ZFHX3: variants seen among roughly 807,000 people sequenced by gnomAD.
The protein encoded by ZFHX3 is zinc finger homeobox 3.
A neutral mutation model predicts 279.1 loss-of-function variants in ZFHX3; 42 were observed. The ratio of observed to expected loss-of-function variants is 0.15; its 90% CI spans 0.12 to 0.19. The LOEUF (loss-of-function observed/expected upper bound fraction) is 0.19, where lower values mean the gene tolerates loss of function less well. Ranked by LOEUF, ZFHX3 falls within the 10% of genes least tolerant of loss-of-function variation. The probability of loss-of-function intolerance (pLI) is 1.00; values close to 1 mark genes in which losing one functional copy is unlikely to be tolerated. For missense variants in ZFHX3, 4,981 were observed against 4,754.0 expected (o/e 1.05, Z -1.40); for synonymous variants, 2,293 against 1,957.8 (o/e 1.17, Z -4.52).
At chr16:73,843,405 T>A (rs1472030303) in intron 1 of ZFHX3, among the ~76,000 whole-genome samples, 1 of 152,224 alleles carries the variant, frequency 6.6e-6, no homozygotes, top group African/African-American at 2.4e-5. Flanking sequence ...AGAACTACTG[T>A]GGTTCACAAA....
intron 3 of ZFHX3, among the ~76,000 whole-genome samples, chr16:73,432,099 T>A (rs188498459): frequency 5.8e-4 from 89 of 152,282 alleles, no homozygotes; most frequent in Non-Finnish European, 9.6e-4. Flanking sequence ...CGCCTAGGTA[T>A]GGATGAAGAT....
intron 1 of ZFHX3, among the ~76,000 whole-genome samples, chr16:73,832,398 A>G (rs910882164): frequency 6.6e-6 from 1 of 152,202 alleles, no homozygotes; most frequent in Non-Finnish European, 1.5e-5. Flanking sequence ...GTAGCTTAAG[A>G]AACAGTACAA....
chr16:73,834,320 T>G (rs931413819), intron 1 of ZFHX3, among the ~76,000 whole-genome samples: 2 of 152,202 alleles, frequency 1.3e-5, no homozygotes, highest in Non-Finnish European at 2.9e-5. Context: ...GAAGGATCAT[T>G]TCTTTACTCA....
intron 4 of ZFHX3, among the ~76,000 whole-genome samples, chr16:73,284,645 T>G (rs985895484): frequency 1.3e-5 from 2 of 152,170 alleles, no homozygotes; most frequent in African/African-American, 2.4e-5. Flanking sequence ...AGTCTCTGTT[T>G]TTTTTGTTTT....
intron 1 of ZFHX3, among the ~76,000 whole-genome samples, chr16:72,960,894 A>C (rs1473620959): frequency 6.6e-6 from 1 of 152,060 alleles, no homozygotes. Context: ...CAAGCAGTAA[A>C]ACAGAGGGGC....
At chr16:73,606,669 A>G (rs1387472230) in intron 2 of ZFHX3, among the ~76,000 whole-genome samples, 1 of 152,026 alleles carries the variant, frequency 6.6e-6, no homozygotes, top group Non-Finnish European at 1.5e-5. Flanking sequence ...GCACCTATCA[A>G]CCCACCACCT....
In ZFHX3 at chr16:73,813,229, TTCTC is replaced by T. The variant is rs3082305; in HGVS notation, c.-1608+78418_-1608+78421del. 4.3e-3 allele frequency among the ~76,000 whole-genome samples: 641 copies of T among 147,544 alleles called. 7 individuals carry two copies. The highest frequency in any genetic ancestry group is 0.013 in the African/African-American group (531 of 40,298). ...CTGTATCATCCCTACCTCTTTCTCT[TTCTC>T]TCTCTCTCTCTCTCTCTCTCTCTGT... On this transcript the variant is annotated intron_variant, in intron 1 of 17. Coordinates refer to the ZFHX3 transcript ENST00000641206.
intron 5 of ZFHX3, among the ~76,000 whole-genome samples, chr16:73,168,820 C>T (rs376114760): frequency 1.8e-4 from 27 of 152,324 alleles, no homozygotes; most frequent in African/African-American, 6.3e-4. Context: ...GTCCACTCCG[C>T]TTTACACCTC....
chr16:73,105,336 C>CGT (rs569902372), intron 7 of ZFHX3, among the ~76,000 whole-genome samples: 2 of 115,474 alleles, frequency 1.7e-5, no homozygotes, highest in African/African-American at 7.3e-5. Context: ...CACACACACA[C>CGT]GTGTGTATAT....
At chr16:73,429,734 G>A (rs1414312376) in intron 3 of ZFHX3, among the ~76,000 whole-genome samples, 3 of 152,136 alleles carry the variant, frequency 2.0e-5, no homozygotes, top group South Asian at 2.1e-4. Flanking sequence ...AAAATATGTC[G>A]ACCCATAGGC....
rs1597225293 is a variant in ZFHX3, at chr16:72,788,286, C to A, written c.9990G>T (p.Gly3330=). The A allele has an allele frequency of 6.2e-7, 1 of 1,614,132 alleles. No individual in the cohort carries two copies. The highest frequency in any genetic ancestry group is 1.7e-5 in the Admixed American group (1 of 60,018). The change falls in exon 10 of 10, where the codon GGG becomes GGT. Residue 3330 remains glycine (G), a synonymous_variant. Coordinates refer to ENST00000268489, the MANE Select transcript of ZFHX3 (RefSeq NM_006885.4). ...CCATGCCATACATAGGCTGCAGGTA[C>A]CCGCTCTGCAGGGCGCCAGGGATCT... ...APQIPGALQS[G]YLQPMYGMEG...
At chr16:73,030,659 C>T (rs1964666510) in intron 1 of ZFHX3, among the ~76,000 whole-genome samples, 1 of 151,702 alleles carries the variant, frequency 6.6e-6, no homozygotes, top group Non-Finnish European at 1.5e-5. Flanking sequence ...GAAGAAGAAA[C>T]AGGAAGCATG....
intron 1 of ZFHX3, among the ~76,000 whole-genome samples, chr16:73,745,160 T>A (rs2142263820): frequency 6.6e-6 from 1 of 152,312 alleles, no homozygotes; most frequent in Admixed American, 6.5e-5. Context: ...TCACAGACTT[T>A]TCTGGTTATA....
chr16:73,637,168 A>G (rs2052534279), intron 2 of ZFHX3, among the ~76,000 whole-genome samples: 1 of 151,906 alleles, frequency 6.6e-6, no homozygotes, highest in Non-Finnish European at 1.5e-5. Context: ...TATTTAATAA[A>G]TGCTTGACTA....
At chr16:73,117,753 T>A (rs765146942) in intron 7 of ZFHX3, among the ~76,000 whole-genome samples, 20 of 152,140 alleles carry the variant, frequency 1.3e-4, no homozygotes, top group Admixed American at 5.2e-4. Context: ...CTTTGGGAGG[T>A]CATTAGGTCA....
chr16:73,885,450 C>G (rs1038580651), intron 1 of ZFHX3, among the ~76,000 whole-genome samples: 3 of 152,192 alleles, frequency 2.0e-5, no homozygotes, highest in South Asian at 2.1e-4. Context: ...TTATATAATT[C>G]TATTAGAAGT....
chr16:73,153,026 A>G (rs77563087), intron 5 of ZFHX3, among the ~76,000 whole-genome samples: 1,782 of 152,228 alleles, frequency 0.012, 27 homozygotes, highest in African/African-American at 0.04. Flanking sequence ...AGGCTTTGTT[A>G]GGAGGAGGTC....
intron 1 of ZFHX3, among the ~76,000 whole-genome samples, chr16:73,682,058 GA>G (rs1362026077): frequency 6.6e-6 from 1 of 152,150 alleles, no homozygotes; most frequent in East Asian, 1.9e-4. Flanking sequence ...AATAAAGGCT[GA>G]TATTACATAC....
intron 3 of ZFHX3, among the ~76,000 whole-genome samples, chr16:73,427,709 G>A (rs182166006): frequency 6.6e-6 from 1 of 152,194 alleles, no homozygotes; most frequent in East Asian, 1.9e-4. Flanking sequence ...GCCGCCGTGG[G>A]CAGACCACGA....
Sources: gnomAD v4.1 joint callset for allele counts (sites outside exome capture counted in the v4.1 genomes callset) on GRCh38, gnomAD v4.1.1 for gene constraint, MANE v1.5 for transcripts, NCBI Gene and HGNC (gene_info 2026-07-23, HGNC 2026-07-21) for gene names.